WBP2: variants seen among roughly 807,000 people sequenced by gnomAD.
WBP2 encodes the protein WW domain binding protein 2, also known as WW domain-binding protein 2.
Under a neutral mutation model 33.0 loss-of-function variants are expected in WBP2, and 23 were observed. The observed-to-expected ratio is 0.70, with a 90% CI of 0.50 to 0.99. The LOEUF (loss-of-function observed/expected upper bound fraction) is 0.99. WBP2 is among the 50% of genes least tolerant of loss of function. The pLI, the probability that WBP2 is intolerant of heterozygous loss-of-function variation, is 0.00. For synonymous variants in WBP2, 153 were observed against 133.5 expected (o/e 1.15, Z -1.01); for missense variants, 353 against 358.0 (o/e 0.99, Z 0.11).
At chr17:75,855,112 T>G in intron 1 of WBP2, 127 bp downstream of exon 1, 3 of 320,518 alleles carry the variant, frequency 9.4e-6, no homozygotes, top group Non-Finnish European at 1.5e-5. Flanking sequence ...CCCCCAGCCG[T>G]TCCCCACCAA....
chr17:75,853,112 T>C (rs952507462), intron 1 of WBP2, among the ~76,000 whole-genome samples: 1 of 152,318 alleles, frequency 6.6e-6, no homozygotes, highest in Admixed American at 6.5e-5. Context: ...CATAGCGTGA[T>C]CTCAGCTCAC....
intron 1 of WBP2, chr17:75,852,019 G>A (rs1015595446): frequency 9.6e-6 from 2 of 208,942 alleles, no homozygotes; most frequent in Admixed American, 5.0e-5. Context: ...CGGGAGAATC[G>A]CTTGAACCCA....
rs184252231 is a variant in WBP2 at position 75,848,670 on chromosome 17, G to T, written c.305-8C>A. Reference sequence around the variant, plus strand: ...CAGAGCCTTCCCAGCCACCTGAAAGGGGAAGGACAGTGAATAAACAGCACA... The same window carrying T: ...CAGAGCCTTCCCAGCCACCTGAAAGTGGAAGGACAGTGAATAAACAGCACA... On this transcript the variant is annotated splice_polypyrimidine_tract_variant and splice_region_variant and intron_variant, in intron 3 of 7. Transcript: ENST00000254806. 6.4e-4 allele frequency: 1,029 copies of T among 1,610,566 alleles called. 6 individuals carry two copies. The African/African-American group carries it at 0.011, about 17-fold the overall frequency.
At position 75,855,219 on chromosome 17, in the gene WBP2, T is replaced by C. The variant is rs1198033915; in HGVS notation, c.59+20A>G. On this transcript the variant is annotated intron_variant, in intron 1 of 7. Transcript: ENST00000254806. ...ACACCCGAACTTTGGTCCTCCAGGA[T>C]CCTTCCGCAGTGTTTTCACCTCTCG... is the stretch of plus-strand genomic sequence containing the variant. 6.3e-7 allele frequency: 1 copy of C among 1,575,958 alleles called. No individual in the cohort carries two copies. The highest frequency in any genetic ancestry group is 8.6e-7 in the Non-Finnish European group (1 of 1,163,994).
At position 75,851,559 on chromosome 17, in the gene WBP2, G is replaced by T. The variant is rs2065027492; in HGVS notation, c.168+9C>A. 2 of 1,605,138 alleles carry T rather than the reference G, an allele frequency of 1.2e-6. No individual in the cohort carries two copies. Among genetic ancestry groups the T allele is most frequent in the African/African-American group, 2.7e-5 (2 of 74,712 alleles). ...GCCTCTCAACCAACTGCCCTGCTGT[G>T]CAACTCACCCGGTAAGGGGTAAGGT... On this transcript the variant is annotated intron_variant, in intron 2 of 7. Transcript: ENST00000254806.
At chr17:75,848,160 G>C (rs2065006643) in intron 4 of WBP2, 1 of 627,370 alleles carries the variant, frequency 1.6e-6, no homozygotes, top group Non-Finnish European at 2.8e-6. Context: ...CAAGGGCAAG[G>C]CTGGAGGGTG....
At chr17:75,850,380 G>A (rs1230431124) in intron 2 of WBP2, among the ~76,000 whole-genome samples, 1 of 152,020 alleles carries the variant, frequency 6.6e-6, no homozygotes, top group Non-Finnish European at 1.5e-5. Context: ...TGAGTAGCTG[G>A]GACTACAGGT....
At chr17:75,852,735 G>T in intron 1 of WBP2, 2 of 964,740 alleles carry the variant, frequency 2.1e-6, no homozygotes, top group Non-Finnish European at 2.5e-6. Context: ...GATTACAGGC[G>T]TGAGCCACTG....
At chr17:75,856,153 A>G (rs2065057601), upstream of WBP2, 1 of 152,264 alleles carries the variant, frequency 6.6e-6, no homozygotes. Flanking sequence ...CATCCTGATA[A>G]CTAGGATTTA....
At chr17:75,849,328 G>C (rs1347793385) in intron 3 of WBP2, 2 of 366,372 alleles carry the variant, frequency 5.5e-6, no homozygotes, top group Admixed American at 4.2e-5. Context: ...TCTAAAATTT[G>C]TATGCGCTCG....
At position 75,847,813 on chromosome 17, in the gene WBP2, TA is replaced by T; in HGVS notation, c.514del (p.Tyr172IlefsTer14). ...GMYPCPPGYP[Y>X]PPPPPEFYPG... ...ACACTCACCAGGTGGGGGCGGTGGA[TA>T]GGGGTAGCCAGGAGGGCAGGGGTAC... On this transcript the variant is annotated frameshift_variant, in exon 5 of 8. Transcript: ENST00000254806. LOFTEE classifies it high-confidence loss of function. The T allele has an allele frequency of 1.3e-6, 2 of 1,556,942 alleles. No individual in the cohort carries two copies. The highest frequency in any genetic ancestry group is 1.7e-6 in the Non-Finnish European group (2 of 1,149,982).
At chr17:75,849,841 G>A in intron 2 of WBP2, 102 bp from the exon 3 acceptor site, 2 of 1,472,092 alleles carry the variant, frequency 1.4e-6, no homozygotes, top group Non-Finnish European at 1.8e-6. Context: ...CCCAGTGCCA[G>A]GGTCCAGCAG....
At chr17:75,855,402 C>T (rs964547708), upstream of WBP2, 5 of 1,379,120 alleles carry the variant, frequency 3.6e-6, no homozygotes, top group Non-Finnish European at 5.1e-6. Flanking sequence ...AATCAAAGCT[C>T]GAGTGCGGAG....
At chr17:75,855,133 T>A in intron 1 of WBP2, 106 bp downstream of exon 1, 8 of 514,154 alleles carry the variant, frequency 1.6e-5, no homozygotes, top group Non-Finnish European at 2.2e-5. Context: ...CCTCACTCCA[T>A]CAGTGCTCCC....
At chr17:75,847,983 G>A in intron 4 of WBP2, 53 bp from the exon 5 acceptor site, 1 of 1,552,168 alleles carries the variant, frequency 6.4e-7, no homozygotes, top group South Asian at 1.2e-5. Context: ...GGGGCGGGGA[G>A]AGGGCAGCCC....
At chr17:75,847,388 G>A in intron 6 of WBP2, 99 bp downstream of exon 6, 9 of 1,526,684 alleles carry the variant, frequency 5.9e-6, no homozygotes, top group African/African-American at 1.4e-5. Flanking sequence ...TCCATCATCT[G>A]CGGCTCTCAG....
At chr17:75,852,791 G>A in intron 1 of WBP2, 2 of 985,222 alleles carry the variant, frequency 2.0e-6, no homozygotes, top group Non-Finnish European at 2.4e-6. Flanking sequence ...TGTGATAGAT[G>A]TTCTGTTTTT....
Position 75,845,827 on chromosome 17 carries a change from A to G in WBP2, c.*907T>C, listed in dbSNP as rs2064986230. On this transcript the variant is annotated 3_prime_UTR_variant, in exon 8 of 8. Coordinates refer to ENST00000254806, the MANE Select transcript of WBP2 (RefSeq NM_012478.4). ...AATAGGGAATTCTCTTTAAATAACC[A>G]TCTCCTCACTTCATGGCCAGTCCAG... 6.6e-6 allele frequency: 1 copy of G among 152,548 alleles called. No individual in the cohort carries two copies. The highest frequency in any genetic ancestry group is 2.4e-5 in the African/African-American group (1 of 41,468). The allele number at this position is 152,548 out of a possible 1,614,324, so 9.4% of individuals were successfully genotyped here. A position where few individuals can be genotyped will look rare whatever the true frequency, so the allele number is the denominator to read the frequency against.
intron 1 of WBP2, among the ~76,000 whole-genome samples, chr17:75,854,115 A>G (rs1451640540): frequency 1.6e-4 from 25 of 151,572 alleles, no homozygotes; most frequent in Admixed American, 1.6e-3. Flanking sequence ...ATTACCAGCA[A>G]CAGGCTGGGC....
Sources: allele counts gnomAD v4.1 joint callset (sites outside exome capture counted in the v4.1 genomes callset), GRCh38; gene constraint gnomAD v4.1.1; transcripts MANE v1.5; gene names NCBI Gene and HGNC (gene_info 2026-07-23, HGNC 2026-07-21).